DCLK1: variants seen among roughly 807,000 people sequenced by gnomAD.
DCLK1 encodes serine/threonine-protein kinase DCLK1.
DCLK1 carries 16 observed loss-of-function variants against 86.2 expected under a neutral mutation model. The observed-to-expected ratio is 0.19, with a 90% CI of 0.13 to 0.28. The LOEUF (loss-of-function observed/expected upper bound fraction) is 0.28, where lower values mean the gene tolerates loss of function less well. Among genes scored for constraint, DCLK1 ranks in the 10% least tolerant of loss-of-function variants. The pLI is 1.00. For synonymous variants in DCLK1, 369 were observed against 370.5 expected (o/e 1.00, Z 0.05); for missense variants, 590 against 940.2 (o/e 0.63, Z 4.87).
intron 15 of DCLK1, among the ~76,000 whole-genome samples, chr13:35,798,923 T>C (rs2086864099): frequency 6.6e-6 from 1 of 152,358 alleles, no homozygotes; most frequent in South Asian, 2.1e-4. Context: ...TTGTTCTTTT[T>C]TTCTTTTTGG....
intron 5 of DCLK1, among the ~76,000 whole-genome samples, chr13:35,857,975 T>C (rs1871166713): frequency 6.6e-6 from 1 of 152,152 alleles, no homozygotes; most frequent in Non-Finnish European, 1.5e-5. Flanking sequence ...AAAATTCATG[T>C]TAGGGAGTTT....
Position 36,123,224 on chromosome 13 carries a change from G to A in DCLK1, c.376+2538C>T, listed in dbSNP as rs539013437. On this transcript the variant is annotated intron_variant, in intron 2 of 16. Transcript: ENST00000360631. ...AGCCTAATGATGAATATGAACCAAC[G>A]GTTTGCATTTTAACAGACTAAGCAA... Among the ~76,000 whole-genome samples, 7 of 152,192 alleles carry A rather than the reference G, an allele frequency of 4.6e-5. No homozygotes were observed. In the South Asian group the frequency reaches 1.0e-3, roughly 23 times the overall value.
intron 15 of DCLK1, 31 bp from the exon 16 acceptor site, chr13:35,793,510 A>G: frequency 6.5e-7 from 1 of 1,529,564 alleles, no homozygotes. Flanking sequence ...AGAAGAGAAA[A>G]AGAAAGAAAA....
intron 3 of DCLK1, among the ~76,000 whole-genome samples, chr13:35,949,604 C>T (rs1047263789): frequency 6.6e-6 from 1 of 152,180 alleles, no homozygotes; most frequent in African/African-American, 2.4e-5. Flanking sequence ...AACACATTCC[C>T]ACTCCCACCA....
At chr13:35,972,505 A>G (rs946517902) in intron 3 of DCLK1, among the ~76,000 whole-genome samples, 1 of 152,180 alleles carries the variant, frequency 6.6e-6, no homozygotes, top group African/African-American at 2.4e-5. Flanking sequence ...TAAATATTTA[A>G]GATGGGGAGT....
intron 16 of DCLK1, among the ~76,000 whole-genome samples, chr13:35,777,992 C>T (rs78491768): frequency 3.9e-5 from 6 of 152,298 alleles, no homozygotes; most frequent in Admixed American, 3.3e-4. Context: ...CAAGGTCAAG[C>T]GTTGGACATC....
In DCLK1 at chr13:35,960,449, G is replaced by A. The variant is rs554974133; in HGVS notation, c.724-12992C>T. On this transcript the variant is annotated intron_variant, in intron 3 of 16. Coordinates refer to ENST00000360631, the MANE Select transcript of DCLK1 (RefSeq NM_001330071.2). Reference sequence around the variant, plus strand: ...AGGGGTTTAGGACATCAGAGTGAAAGGATAAAAATCAGATTATTTATTGTT... The same window carrying A: ...AGGGGTTTAGGACATCAGAGTGAAAAGATAAAAATCAGATTATTTATTGTT... Among the ~76,000 whole-genome samples the A allele has an allele frequency of 1.4e-4, 21 of 152,244 alleles. No individual in the cohort carries two copies. The South Asian group carries it at 1.9e-3, about 14-fold the overall frequency.
chr13:35,888,271 T>G (rs1593701625), intron 4 of DCLK1, among the ~76,000 whole-genome samples: 1 of 152,236 alleles, frequency 6.6e-6, no homozygotes, highest in Non-Finnish European at 1.5e-5. Context: ...ACCCTCTTCA[T>G]GAACAATTTA....
chr13:36,052,976 G>A (rs1883180248), intron 3 of DCLK1, among the ~76,000 whole-genome samples: 2 of 152,162 alleles, frequency 1.3e-5, no homozygotes, highest in South Asian at 4.1e-4. Context: ...TACAATCTCT[G>A]AGGCAGTCAC....
intron 9 of DCLK1, 111 bp from the exon 10 acceptor site, chr13:35,827,865 A>G: frequency 7.5e-7 from 1 of 1,341,860 alleles, no homozygotes. Flanking sequence ...TTTTGGTAAA[A>G]TGTAATAAGC....
intron 3 of DCLK1, among the ~76,000 whole-genome samples, chr13:35,983,846 T>G (rs980812394): frequency 6.6e-6 from 1 of 152,174 alleles, no homozygotes; most frequent in South Asian, 2.1e-4. Context: ...GGGTTTGACT[T>G]GACCTCCTTG....
intron 16 of DCLK1, among the ~76,000 whole-genome samples, chr13:35,792,796 A>G (rs1422286660): frequency 6.6e-6 from 1 of 152,224 alleles, no homozygotes; most frequent in Non-Finnish European, 1.5e-5. Context: ...GCATCAATAA[A>G]ATAGTAAATG....
intron 12 of DCLK1, 109 bp from the exon 13 acceptor site, chr13:35,809,204 A>C (rs2153102673): frequency 1.3e-6 from 1 of 748,946 alleles, no homozygotes; most frequent in East Asian, 2.8e-5. Flanking sequence ...AACCAAACAA[A>C]ATAACAATCC....
In DCLK1 at chr13:35,816,226, G is replaced by A. The variant is rs375719001; in HGVS notation, c.1555-5258C>T. On this transcript the variant is annotated intron_variant, in intron 11 of 16. Transcript: ENST00000360631. ...CACAATTATTATCCAATATGTCATAGTAGGAAAATGATCACTATAGACGAA... is the reference window on the plus strand; with the variant it reads ...CACAATTATTATCCAATATGTCATAATAGGAAAATGATCACTATAGACGAA... Among the ~76,000 whole-genome samples, 17 of 152,274 alleles carry A rather than the reference G, an allele frequency of 1.1e-4. No homozygotes were observed. The East Asian group carries it at 3.3e-3, about 29-fold the overall frequency.
At chr13:36,015,104 T>C (rs1364101856) in intron 3 of DCLK1, among the ~76,000 whole-genome samples, 2 of 152,056 alleles carry the variant, frequency 1.3e-5, no homozygotes, top group Non-Finnish European at 2.9e-5. Flanking sequence ...GTCTCTTTCA[T>C]TCACCAATAT....
At chr13:35,835,816 AT>A (rs1232967221) in intron 8 of DCLK1, among the ~76,000 whole-genome samples, 3 of 152,250 alleles carry the variant, frequency 2.0e-5, no homozygotes, top group African/African-American at 7.2e-5. Flanking sequence ...ATTTAAAAAA[AT>A]CAAAGTCTTT....
At chr13:35,856,993 G>A (rs1400328750) in intron 5 of DCLK1, among the ~76,000 whole-genome samples, 7 of 152,242 alleles carry the variant, frequency 4.6e-5, no homozygotes, top group Middle Eastern at 3.4e-3. Flanking sequence ...CTACTACCTT[G>A]CCTTACTGTG....
intron 3 of DCLK1, among the ~76,000 whole-genome samples, chr13:35,969,175 T>C (rs1878941838): frequency 6.6e-6 from 1 of 152,168 alleles, no homozygotes; most frequent in Admixed American, 6.5e-5. Context: ...GTGTCTGAAG[T>C]CCTGACTCCA....
At position 36,087,231 on chromosome 13, in the gene DCLK1, C is replaced by T. The variant is rs548051790; in HGVS notation, c.723+24638G>A. 3.3e-5 allele frequency among the ~76,000 whole-genome samples: 5 copies of T among 152,196 alleles called. No homozygotes were observed. In the South Asian group the frequency reaches 1.0e-3, roughly 32 times the overall value. On this transcript the variant is annotated intron_variant, in intron 3 of 16. Transcript: ENST00000360631. ...TTCTCTAATGACCAGTGATGATGAG[C>T]TTTTTTTCATGTTTGCTGGCTGCAT...
Sources: gnomAD v4.1 joint callset for allele counts (sites outside exome capture counted in the v4.1 genomes callset) on GRCh38, gnomAD v4.1.1 for gene constraint, MANE v1.5 for transcripts, NCBI Gene and HGNC (gene_info 2026-07-23, HGNC 2026-07-21) for gene names.